Variants in RAP1GAP2 observed in about 807,000 individuals in gnomAD.
The protein encoded by RAP1GAP2 is rap1 GTPase-activating protein 2.
RAP1GAP2 carries 27 observed loss-of-function variants against 95.0 expected under a neutral mutation model. The ratio of observed to expected loss-of-function variants is 0.28; its 90% CI spans 0.21 to 0.39. The LOEUF is 0.39. Ranked by LOEUF, RAP1GAP2 falls within the 10% of genes least tolerant of loss-of-function variation. The pLI is 1.00. For synonymous variants in RAP1GAP2, 373 were observed against 380.9 expected (o/e 0.98, Z 0.24); for missense variants, 771 against 970.0 (o/e 0.79, Z 2.72).
chr17:2,928,571 T>G (rs1247543367), intron 3 of RAP1GAP2, among the ~76,000 whole-genome samples: 1 of 152,046 alleles, frequency 6.6e-6, no homozygotes, highest in Admixed American at 6.6e-5. Flanking sequence ...GGAAAGTCCT[T>G]CTCGTGGTCC....
intron 3 of RAP1GAP2, among the ~76,000 whole-genome samples, chr17:2,937,644 C>T (rs1346848816): frequency 1.3e-5 from 2 of 152,164 alleles, no homozygotes; most frequent in African/African-American, 4.8e-5. Context: ...CAGCGAGGCT[C>T]ATGAACTTGA....
intron 3 of RAP1GAP2, among the ~76,000 whole-genome samples, chr17:2,932,842 A>G (rs75161287): frequency 3.2e-5 from 3 of 94,158 alleles, no homozygotes; most frequent in African/African-American, 1.2e-4. Flanking sequence ...AAAAAAAAAA[A>G]AGAGCAGGGA....
At chr17:2,966,567 C>CTT (rs1597746532) in intron 8 of RAP1GAP2, among the ~76,000 whole-genome samples, 1 of 152,262 alleles carries the variant, frequency 6.6e-6, no homozygotes, top group East Asian at 1.9e-4. Context: ...GGACATATAA[C>CTT]CCCACTTTGG....
chr17:2,901,479 T>C (rs2042024560), intron 2 of RAP1GAP2, among the ~76,000 whole-genome samples: 1 of 152,142 alleles, frequency 6.6e-6, no homozygotes, highest in African/African-American at 2.4e-5. Context: ...TAGAGTTGCA[T>C]GCGAGTATGG....
intron 2 of RAP1GAP2, among the ~76,000 whole-genome samples, chr17:2,831,856 T>C (rs2151547042): frequency 6.6e-6 from 1 of 152,134 alleles, no homozygotes; most frequent in Non-Finnish European, 1.5e-5. Context: ...GATCATGCCA[T>C]TGCAATCCAG....
intron 2 of RAP1GAP2, among the ~76,000 whole-genome samples, chr17:2,826,778 C>T (rs928672364): frequency 3.5e-4 from 54 of 152,182 alleles, no homozygotes; most frequent in African/African-American, 1.2e-3. Context: ...GAGGCTGAGG[C>T]GGGCGGATCA....
intron 2 of RAP1GAP2, among the ~76,000 whole-genome samples, chr17:2,805,505 A>AAT (rs1239654035): frequency 2.1e-4 from 32 of 151,962 alleles, no homozygotes. Flanking sequence ...ACAGGTGTGC[A>AAT]CCACCACGCC....
Position 2,801,594 on chromosome 17 carries a change from GGTATGTGTGT to G in RAP1GAP2, c.80+1047_80+1056del, listed in dbSNP as rs1297693468. 7.7e-3 allele frequency among the ~76,000 whole-genome samples: 969 copies of G among 126,038 alleles called. 6 individuals are homozygous for G. Among genetic ancestry groups the G allele is most frequent in the African/African-American group, 0.02 (637 of 32,156 alleles). 82.7% of individuals were successfully genotyped at this position (126,038 alleles called of 152,430 possible). Reference sequence around the variant, plus strand: ...ACTAGGACCTGACTAAACACTCCAGGGTATGTGTGTGTGTGTGTGTGTGTGTGTGTGTGTG... The same window carrying G: ...ACTAGGACCTGACTAAACACTCCAGGGTGTGTGTGTGTGTGTGTGTGTGTG... On this transcript the variant is annotated intron_variant, in intron 2 of 24. Coordinates refer to ENST00000254695, the MANE Select transcript of RAP1GAP2 (RefSeq NM_015085.5).
intron 3 of RAP1GAP2, among the ~76,000 whole-genome samples, chr17:2,920,481 G>A (rs964507275): frequency 9.2e-5 from 14 of 152,176 alleles, no homozygotes; most frequent in African/African-American, 3.4e-4. Context: ...TTCAGGCCCT[G>A]CCTCCCCCGC....
chr17:3,028,831 C>T (rs2047205861), intron 22 of RAP1GAP2, among the ~76,000 whole-genome samples: 1 of 152,106 alleles, frequency 6.6e-6, no homozygotes, highest in Non-Finnish European at 1.5e-5. Context: ...GATGGAGTCT[C>T]ACTCTGCCAC....
chr17:2,853,632 T>C (rs2071984457), intron 2 of RAP1GAP2, among the ~76,000 whole-genome samples: 1 of 143,748 alleles, frequency 7.0e-6, no homozygotes, highest in Non-Finnish European at 1.5e-5. Context: ...TCCTCCACCA[T>C]CCGGGCGGCC....
chr17:2,885,028 CTTTT>C (rs891984333), intron 2 of RAP1GAP2, among the ~76,000 whole-genome samples: 8 of 112,502 alleles, frequency 7.1e-5, no homozygotes, highest in Non-Finnish European at 1.4e-4. Context: ...TTATTTCTTT[CTTTT>C]TTTTTTTTTT....
chr17:2,907,289 C>G (rs897230078), intron 3 of RAP1GAP2, among the ~76,000 whole-genome samples: 7 of 152,034 alleles, frequency 4.6e-5, no homozygotes, highest in African/African-American at 1.4e-4. Flanking sequence ...AGGGAAATGG[C>G]GGTGGTACCA....
upstream of RAP1GAP2, among the ~76,000 whole-genome samples, chr17:2,774,513 G>T (rs1346722219): frequency 7.5e-6 from 1 of 133,718 alleles, no homozygotes. Context: ...ATGGAGTCTC[G>T]CTCTGTCACC....
chr17:2,977,694 G>A lies in RAP1GAP2; in HGVS notation c.597-2593G>A, dbSNP rs1313179754. On this transcript the variant is annotated intron_variant, in intron 8 of 24. Coordinates refer to ENST00000254695, the MANE Select transcript of RAP1GAP2 (RefSeq NM_015085.5). ...CGGGAGGCAGAGGTTGCAGTGAGCCGAGATTGTACCACCGCACTCCAGCCT... is the reference window on the plus strand; with the variant it reads ...CGGGAGGCAGAGGTTGCAGTGAGCCAAGATTGTACCACCGCACTCCAGCCT... 2.7e-5 allele frequency among the ~76,000 whole-genome samples: 4 copies of A among 146,056 alleles called. No homozygotes were observed. The East Asian group carries it at 6.1e-4, about 22-fold the overall frequency.
intron 2 of RAP1GAP2, among the ~76,000 whole-genome samples, chr17:2,807,891 G>A (rs892345343): frequency 1.3e-5 from 2 of 152,104 alleles, no homozygotes; most frequent in Admixed American, 1.3e-4. Context: ...GAGGCAGGGC[G>A]GCCAGGAGGG....
Position 2,963,592 on chromosome 17 carries a change from G to T in RAP1GAP2, c.279+130G>T. 1 of 1,263,004 alleles carries T rather than the reference G, an allele frequency of 7.9e-7. No homozygotes were observed. The highest frequency in any genetic ancestry group is 1.1e-6 in the Non-Finnish European group (1 of 879,552). The allele number at this position is 1,263,004 out of a possible 1,614,324, so 78.2% of individuals were successfully genotyped here. ...CCTTGGGCCTGGGACCTCTCTTCCT[G>T]TCTTTGCCTTTGTAACCTCAGCTTC... On this transcript the variant is annotated intron_variant, in intron 6 of 24. Coordinates refer to ENST00000254695, the MANE Select transcript of RAP1GAP2 (RefSeq NM_015085.5). The surrounding 1 kb of genome is among the most constrained non-coding windows in gnomAD (Gnocchi z 4.8).
chr17:2,926,125 CAAA>C (rs990593437), intron 3 of RAP1GAP2, among the ~76,000 whole-genome samples: 5 of 59,632 alleles, frequency 8.4e-5, no homozygotes, highest in Admixed American at 3.9e-4. Context: ...GCCTCTGTCT[CAAA>C]AAAAAAAAAA....
At chr17:2,869,298 T>C (rs2072745777) in intron 2 of RAP1GAP2, among the ~76,000 whole-genome samples, 1 of 152,102 alleles carries the variant, frequency 6.6e-6, no homozygotes, top group Admixed American at 6.6e-5. Context: ...TGCCAGGTGT[T>C]GGAGGGAAAG....
Sources: allele counts gnomAD v4.1 joint callset (sites outside exome capture counted in the v4.1 genomes callset), GRCh38; gene constraint gnomAD v4.1.1; non-coding constraint Gnocchi (gnomAD v3.1); transcripts MANE v1.5; gene names NCBI Gene and HGNC (gene_info 2026-07-23, HGNC 2026-07-21).